PGM5: variants seen among roughly 807,000 people sequenced by gnomAD.
PGM5 encodes phosphoglucomutase-like protein 5.
PGM5 carries 23 observed loss-of-function variants against 59.2 expected under a neutral mutation model. The ratio of observed to expected loss-of-function variants is 0.39; its 90% CI spans 0.28 to 0.55. The LOEUF (loss-of-function observed/expected upper bound fraction) is 0.55, where lower values mean the gene tolerates loss of function less well. Among genes scored for constraint, PGM5 ranks in the 20% least tolerant of loss-of-function variants. PGM5 has a pLI of 0.66. For missense variants in PGM5, 574 were observed against 748.3 expected, an observed-to-expected ratio of 0.77 and a Z score of 2.72; for synonymous variants, 214 against 286.0, an observed-to-expected ratio of 0.75 and a Z score of 2.54.
intron 1 of PGM5, among the ~76,000 whole-genome samples, chr9:68,376,853 CTTTCTTTCTTT>C (rs1563984947): frequency 4.6e-5 from 4 of 86,692 alleles, no homozygotes; most frequent in Non-Finnish European, 7.3e-5. Context: ...CTTTCTTTCT[CTTTCTTTCTTT>C]TTTCTTTCTC....
chr9:68,388,636 A>G (rs1185807867), intron 4 of PGM5, among the ~76,000 whole-genome samples: 2 of 152,064 alleles, frequency 1.3e-5, no homozygotes, highest in African/African-American at 4.8e-5. Context: ...TGTGTATTGT[A>G]TATCTGAAAA....
chr9:68,381,093 A>G (rs1822061313), intron 2 of PGM5, among the ~76,000 whole-genome samples: 1 of 151,960 alleles, frequency 6.6e-6, no homozygotes, highest in Admixed American at 6.6e-5. Context: ...TTAGGCCAGC[A>G]TCACCTTGAT....
chr9:68,380,891 A>G (rs1554678253), intron 2 of PGM5, among the ~76,000 whole-genome samples: 1 of 151,926 alleles, frequency 6.6e-6, no homozygotes, highest in Non-Finnish European at 1.5e-5. Context: ...GGGAAGAAAC[A>G]AAAAGTTTGA....
chr9:68,439,716 C>CAT (rs543306902), intron 6 of PGM5, among the ~76,000 whole-genome samples: 1,905 of 148,812 alleles, frequency 0.013, 28 homozygotes, highest in African/African-American at 0.043. Context: ...TACACACACA[C>CAT]ATATATATAT....
chr9:68,479,215 A>AT (rs1289265615), intron 7 of PGM5, among the ~76,000 whole-genome samples: 6 of 152,042 alleles, frequency 3.9e-5, no homozygotes, highest in Non-Finnish European at 5.9e-5. Flanking sequence ...TCCAAGTTTT[A>AT]TTTTTTTTAC....
At chr9:68,467,109 G>A (rs76220547) in intron 7 of PGM5, among the ~76,000 whole-genome samples, 1,802 of 152,230 alleles carry the variant, frequency 0.012, 33 homozygotes, top group African/African-American at 0.041. Context: ...ACAGCTGATC[G>A]TCGCTTGCAT....
chr9:68,358,359 C>T (rs1834510833), intron 1 of PGM5, among the ~76,000 whole-genome samples: 1 of 152,078 alleles, frequency 6.6e-6, no homozygotes, highest in South Asian at 2.1e-4. Flanking sequence ...CTAGAAGCAC[C>T]TTTTGGCATA....
At chr9:68,509,714 A>G (rs1228057769) in intron 10 of PGM5, among the ~76,000 whole-genome samples, 1 of 152,060 alleles carries the variant, frequency 6.6e-6, no homozygotes, top group Non-Finnish European at 1.5e-5. Context: ...CATGATGAGA[A>G]GGTTTAGGAT....
intron 6 of PGM5, among the ~76,000 whole-genome samples, chr9:68,438,812 G>A (rs1554683508): frequency 1.3e-5 from 2 of 152,180 alleles, no homozygotes; most frequent in African/African-American, 4.8e-5. Flanking sequence ...GAACTTAACA[G>A]TCAGAGAGAG....
chr9:68,487,035 T>C (rs1438021167), intron 9 of PGM5, among the ~76,000 whole-genome samples: 1 of 152,202 alleles, frequency 6.6e-6, no homozygotes, highest in African/African-American at 2.4e-5. Flanking sequence ...TTGATTTCTA[T>C]AAGGAGAAAC....
intron 10 of PGM5, among the ~76,000 whole-genome samples, chr9:68,514,787 G>T (rs549634151): frequency 5.9e-5 from 9 of 152,128 alleles, no homozygotes; most frequent in Non-Finnish European, 1.0e-4. Context: ...AGGGGTGCCT[G>T]GCCTCTATTT....
intron 1 of PGM5, 192 bp downstream of exon 1, chr9:68,357,580 C>T: frequency 1.1e-6 from 1 of 876,618 alleles, no homozygotes; most frequent in Non-Finnish European, 1.7e-6. Context: ...GCACCCCGGA[C>T]ACTGGGTTCT....
At chr9:68,469,830 G>A (rs1823993625) in intron 7 of PGM5, among the ~76,000 whole-genome samples, 1 of 152,172 alleles carries the variant, frequency 6.6e-6, no homozygotes, top group Non-Finnish European at 1.5e-5. Flanking sequence ...TAGGTGGGTG[G>A]AAGGAAAGTA....
chr9:68,523,434 G>A (rs1824927836), intron 10 of PGM5, among the ~76,000 whole-genome samples: 2 of 152,246 alleles, frequency 1.3e-5, no homozygotes, highest in Middle Eastern at 6.8e-3. Flanking sequence ...AGGGGATACT[G>A]GTGCATGTTC....
intron 10 of PGM5, among the ~76,000 whole-genome samples, chr9:68,504,934 G>A (rs1824631832): frequency 6.6e-6 from 1 of 152,160 alleles, no homozygotes; most frequent in South Asian, 2.1e-4. Flanking sequence ...CTGTACTCAG[G>A]ATGAATGTTG....
At chr9:68,423,687 C>T (rs537768788) in intron 6 of PGM5, among the ~76,000 whole-genome samples, 274 of 151,852 alleles carry the variant, frequency 1.8e-3, no homozygotes, top group African/African-American at 6.1e-3. Context: ...CTCTCTGCCT[C>T]CCTCTTTCTC....
In PGM5 at chr9:68,378,200, T is replaced by C. The variant is rs1554677994; in HGVS notation, c.263T>C (p.Ile88Thr). The change falls in exon 2 of 11, where the codon ATT becomes ACT. Residue 88 changes from isoleucine to threonine, a missense_variant and splice_region_variant. Physicochemically the swap from Ile to Thr is moderately conservative, Grantham distance 89. Transcript: ENST00000396396. ...GATTTTTTTTTTTGGATGGTTTAGA[T>C]TGGACGACTGATTATTGGACAGAAT... ...IVVQMAAANGIGRLIIGQNGI... is the reference protein window; with the variant it reads ...IVVQMAAANGTGRLIIGQNGI... 2.6e-6 allele frequency: 4 copies of C among 1,550,662 alleles called. No individual in the cohort carries two copies. The highest frequency in any genetic ancestry group is 2.6e-6 in the Non-Finnish European group (3 of 1,153,534).
At chr9:68,499,437 T>G in intron 10 of PGM5, 76 bp downstream of exon 10, 1 of 1,456,414 alleles carries the variant, frequency 6.9e-7, no homozygotes, top group Non-Finnish European at 9.4e-7. Flanking sequence ...GGGCCTTTAG[T>G]GGGGCTATTT....
intron 4 of PGM5, among the ~76,000 whole-genome samples, chr9:68,390,707 A>C (rs1554679356): frequency 1.3e-5 from 2 of 152,118 alleles, no homozygotes; most frequent in African/African-American, 4.8e-5. Context: ...CCTTGCTCAT[A>C]ATGTTCCTTC....
Sources: gnomAD v4.1 joint callset for allele counts (sites outside exome capture counted in the v4.1 genomes callset) on GRCh38, gnomAD v4.1.1 for gene constraint, MANE v1.5 for transcripts, NCBI Gene and HGNC (gene_info 2026-07-23, HGNC 2026-07-21) for gene names.